Variants in STPG2 observed in about 807,000 individuals in gnomAD.
STPG2 encodes sperm-tail PG-rich repeat-containing protein 2.
STPG2 carries 56 observed loss-of-function variants against 54.2 expected under a neutral mutation model. That is an observed-to-expected ratio of 1.03 (90% CI 0.83 to 1.29). STPG2 has a LOEUF of 1.29. STPG2 is among the 50% of genes most tolerant of loss of function. The pLI is 0.00. For synonymous variants in STPG2, 200 were observed against 181.8 expected (o/e 1.10, Z -0.81); for missense variants, 596 against 544.9 (o/e 1.09, Z -0.93).
chr4:97,487,409 T>C (rs1048646926), intron 4 of STPG2, among the ~76,000 whole-genome samples: 2 of 151,562 alleles, frequency 1.3e-5, no homozygotes, highest in East Asian at 3.9e-4. Context: ...TTAAATTTAG[T>C]TTTAAAAATT....
At chr4:97,444,953 C>T (rs539123878) in intron 4 of STPG2, among the ~76,000 whole-genome samples, 11 of 152,226 alleles carry the variant, frequency 7.2e-5, no homozygotes, top group East Asian at 1.9e-4. Context: ...AAGAGAATGG[C>T]GTGAACCCAG....
chr4:98,093,851 G>T (rs1738762605), intron 5 of STPG2, among the ~76,000 whole-genome samples: 1 of 152,178 alleles, frequency 6.6e-6, no homozygotes. Context: ...CATAGAAGGA[G>T]CATTTGGACT....
At chr4:97,825,484 G>A (rs565534820) in intron 9 of STPG2, among the ~76,000 whole-genome samples, 58 of 152,210 alleles carry the variant, frequency 3.8e-4, no homozygotes, top group Middle Eastern at 3.4e-3. Flanking sequence ...TCCTGTGGGA[G>A]ATGCATTGAT....
intron 4 of STPG2, among the ~76,000 whole-genome samples, chr4:97,479,752 C>G (rs1262631008): frequency 6.6e-6 from 1 of 151,866 alleles, no homozygotes; most frequent in African/African-American, 2.4e-5. Context: ...AAAATTTACT[C>G]TCTTTTATTC....
At chr4:97,546,638 G>T (rs1731839589) in intron 4 of STPG2, among the ~76,000 whole-genome samples, 1 of 152,046 alleles carries the variant, frequency 6.6e-6, no homozygotes, top group Non-Finnish European at 1.5e-5. Flanking sequence ...AAGCAGAATG[G>T]ATCTAATTAT....
chr4:97,953,315 G>A (rs991586575), intron 7 of STPG2, among the ~76,000 whole-genome samples: 1 of 152,148 alleles, frequency 6.6e-6, no homozygotes, highest in African/African-American at 2.4e-5. Context: ...ACTTGGCAAA[G>A]CAAAACTCAC....
chr4:97,848,009 C>A (rs1048302736), intron 8 of STPG2, among the ~76,000 whole-genome samples: 2 of 152,284 alleles, frequency 1.3e-5, no homozygotes, highest in East Asian at 1.9e-4. Flanking sequence ...AGTCCCCAAC[C>A]ATTTGCATGC....
intron 8 of STPG2, among the ~76,000 whole-genome samples, chr4:97,896,855 AC>A (rs1179701265): frequency 1.3e-5 from 2 of 151,808 alleles, no homozygotes; most frequent in African/African-American, 4.8e-5. Context: ...AACAGTTGCT[AC>A]TATTAGTTGG....
At chr4:97,886,748 G>A (rs1730584002) in intron 8 of STPG2, among the ~76,000 whole-genome samples, 1 of 152,204 alleles carries the variant, frequency 6.6e-6, no homozygotes, top group South Asian at 2.1e-4. Flanking sequence ...TTGGATCTGT[G>A]TCACTGCCCA....
chr4:98,120,698 C>T (rs1370771635), intron 3 of STPG2, among the ~76,000 whole-genome samples: 1 of 152,134 alleles, frequency 6.6e-6, no homozygotes, highest in Non-Finnish European at 1.5e-5. Flanking sequence ...GTTGGCTACA[C>T]AAATATCTTC....
chr4:97,806,056 T>G (rs1727552187), intron 9 of STPG2, among the ~76,000 whole-genome samples: 2 of 152,198 alleles, frequency 1.3e-5, no homozygotes, highest in South Asian at 4.1e-4. Context: ...TGCACTGGTA[T>G]GTTCAACGCA....
chr4:97,616,029 T>G (rs1733852707), intron 10 of STPG2, among the ~76,000 whole-genome samples: 1 of 54,502 alleles, frequency 1.8e-5, no homozygotes, highest in Non-Finnish European at 3.6e-5. Flanking sequence ...AGAGCAAGAC[T>G]CTGTCTCAAA....
intron 10 of STPG2, among the ~76,000 whole-genome samples, chr4:97,649,124 G>A (rs1351133947): frequency 1.3e-5 from 2 of 152,110 alleles, no homozygotes; most frequent in Non-Finnish European, 2.9e-5. Flanking sequence ...CATGCTTTCT[G>A]ATGTATATCC....
chr4:98,099,286 A>AG (rs1012719818), intron 5 of STPG2, among the ~76,000 whole-genome samples: 7 of 56,744 alleles, frequency 1.2e-4, no homozygotes, highest in Admixed American at 9.7e-4. Context: ...TTAGCCATAC[A>AG]AAAGAATGAG....
intron 7 of STPG2, among the ~76,000 whole-genome samples, chr4:97,960,860 T>C (rs943007484): frequency 1.1e-4 from 16 of 151,822 alleles, no homozygotes; most frequent in Non-Finnish European, 2.4e-4. Context: ...AAAATTGATA[T>C]AGAATCAAAG....
At chr4:97,710,169 C>A (rs73834173) in intron 10 of STPG2, among the ~76,000 whole-genome samples, 2 of 151,710 alleles carry the variant, frequency 1.3e-5, no homozygotes, top group African/African-American at 2.4e-5. Context: ...ATTAGATCTT[C>A]AAAAAGGTCA....
intron 4 of STPG2, among the ~76,000 whole-genome samples, chr4:97,445,561 A>T (rs1432574984): frequency 2.0e-5 from 3 of 152,200 alleles, no homozygotes; most frequent in Non-Finnish European, 4.4e-5. Context: ...GATATTTTAC[A>T]CTTTTTTCTA....
At chr4:97,678,778 C>A (rs1722934300) in intron 10 of STPG2, among the ~76,000 whole-genome samples, 1 of 145,162 alleles carries the variant, frequency 6.9e-6, no homozygotes, top group African/African-American at 2.6e-5. Context: ...CTCCACCCTC[C>A]CCCGACCCTA....
intron 5 of STPG2, among the ~76,000 whole-genome samples, chr4:98,001,094 TCA>T (rs1735400494): frequency 6.6e-6 from 1 of 152,140 alleles, no homozygotes; most frequent in South Asian, 2.1e-4. Context: ...ACAATTTGTG[TCA>T]CCACTGGTAT....
Sources: allele counts gnomAD v4.1 joint callset (sites outside exome capture counted in the v4.1 genomes callset), GRCh38; gene constraint gnomAD v4.1.1; transcripts MANE v1.5; gene names NCBI Gene and HGNC (gene_info 2026-07-23, HGNC 2026-07-21).